ANKRD55: variants seen among roughly 807,000 people sequenced by gnomAD.
ANKRD55 encodes ankyrin repeat domain-containing protein 55.
In ANKRD55, 41 loss-of-function variants were observed where a neutral mutation model predicts 60.6. The ratio of observed to expected loss-of-function variants is 0.68; its 90% CI spans 0.53 to 0.88. The LOEUF (loss-of-function observed/expected upper bound fraction) is 0.88, where lower values mean the gene tolerates loss of function less well. ANKRD55 is among the 40% of genes least tolerant of loss of function. ANKRD55 has a pLI of 0.00. For missense variants in ANKRD55, 732 were observed against 767.6 expected (o/e 0.95, Z 0.55); for synonymous variants, 264 against 290.3 (o/e 0.91, Z 0.92).
intron 7 of ANKRD55, among the ~76,000 whole-genome samples, chr5:56,142,692 C>T (rs970397449): frequency 6.6e-6 from 1 of 152,172 alleles, no homozygotes; most frequent in Non-Finnish European, 1.5e-5. Context: ...CCTCTGTGGC[C>T]ACCGCTACAG....
chr5:56,130,899 C>T (rs958267182), intron 7 of ANKRD55, among the ~76,000 whole-genome samples: 9 of 151,964 alleles, frequency 5.9e-5, no homozygotes, highest in South Asian at 2.1e-4. Context: ...AGAGTCTCTG[C>T]GCTTGAGAAG....
rs1232627689 is a variant in ANKRD55 at position 56,120,839 on chromosome 5, C to T, written c.798-4057G>A. 6.2e-5 allele frequency among the ~76,000 whole-genome samples: 9 copies of T among 145,414 alleles called. No individual in the cohort carries two copies. In the East Asian group the frequency reaches 1.0e-3, roughly 17 times the overall value. On this transcript the variant is annotated intron_variant, in intron 8 of 11. Coordinates refer to ENST00000341048, the MANE Select transcript of ANKRD55 (RefSeq NM_024669.3). ...GCTTGAACCTGGGAGGCAGAGGTTG[C>T]AGTGAGCCAAGATCGCGCCACTGCT...
At chr5:56,134,867 A>G (rs1274304894) in intron 7 of ANKRD55, among the ~76,000 whole-genome samples, 1 of 152,208 alleles carries the variant, frequency 6.6e-6, no homozygotes, top group Non-Finnish European at 1.5e-5. Flanking sequence ...ATTAGTGAAT[A>G]GAATCTAGCA....
rs374295310 is a variant in ANKRD55 at position 56,222,580 on chromosome 5, C to T, written c.58+10276G>A. Among the ~76,000 whole-genome samples, 142 of 152,082 alleles carry T rather than the reference C, an allele frequency of 9.3e-4. 3 individuals carry two copies. The Middle Eastern group carries it at 0.027, about 29-fold the overall frequency. The stretch of plus-strand genomic sequence containing the variant: ...TGAGCTAAAGGAGGATGTTCGAACC[C>T]ATCACAAAGAAGCTAAAAACCTTGA... On this transcript the variant is annotated intron_variant, in intron 2 of 11. Transcript: ENST00000341048.
At chr5:56,143,994 A>G in intron 6 of ANKRD55, 65 bp from the exon 7 acceptor site, 1 of 1,572,746 alleles carries the variant, frequency 6.4e-7, no homozygotes, top group East Asian at 2.3e-5. Context: ...ACTGGAGCTC[A>G]CACTTTCTCC....
At chr5:56,120,797 G>A (rs1299170007) in intron 8 of ANKRD55, among the ~76,000 whole-genome samples, 3 of 151,880 alleles carry the variant, frequency 2.0e-5, no homozygotes, top group Non-Finnish European at 2.9e-5. Context: ...TACTCGGGAG[G>A]CTGAGGCAGG....
At chr5:56,226,280 T>C (rs576016574) in intron 2 of ANKRD55, among the ~76,000 whole-genome samples, 28 of 152,332 alleles carry the variant, frequency 1.8e-4, no homozygotes, top group Non-Finnish European at 3.4e-4. Context: ...GCTAGCCATA[T>C]GTAGAAAGCT....
chr5:56,135,538 T>G (rs1179078296), intron 7 of ANKRD55, among the ~76,000 whole-genome samples: 1 of 151,782 alleles, frequency 6.6e-6, no homozygotes, highest in Non-Finnish European at 1.5e-5. Context: ...CCCTGCTAGT[T>G]TTTGTATTTT....
Position 56,192,992 on chromosome 5 carries a change from A to G in ANKRD55, c.59-9358T>C, listed in dbSNP as rs559691237. 1.3e-5 allele frequency: 12 copies of G among 914,966 alleles called. No homozygotes were observed. In the East Asian group the frequency reaches 3.6e-4, roughly 28 times the overall value. 56.7% of individuals were successfully genotyped at this position (914,966 alleles called of 1,614,324 possible). A position where few individuals can be genotyped will look rare whatever the true frequency, so the allele number is the denominator to read the frequency against. ...AGATGAGCTATACTGGAAAACAATT[A>G]AACCTTTTCAGTATGTTCATGAACA... On this transcript the variant is annotated intron_variant, in intron 2 of 11. Coordinates refer to ENST00000341048, the MANE Select transcript of ANKRD55 (RefSeq NM_024669.3).
chr5:56,201,539 C>A (rs1314276934), intron 2 of ANKRD55, among the ~76,000 whole-genome samples: 1 of 152,222 alleles, frequency 6.6e-6, no homozygotes, highest in Non-Finnish European at 1.5e-5. Context: ...GATTCTGGCA[C>A]TGCCACTTAC....
At position 56,111,200 on chromosome 5, in the gene ANKRD55, C is replaced by T; in HGVS notation, c.1548G>A (p.Leu516=). The change falls in exon 10 of 12, where the codon CTG becomes CTA. Residue 516 remains leucine, a synonymous_variant. Transcript: ENST00000341048. Reference sequence around the variant, plus strand: ...CAGGCCGGACACTGAGCAATCTGTCCAGCAGCTTATCAGAAGAAGACACAG... The same window carrying T: ...CAGGCCGGACACTGAGCAATCTGTCTAGCAGCTTATCAGAAGAAGACACAG... ...VWTVSSSDKL[L]DRLLSVRPGH... 1.2e-6 allele frequency: 2 copies of T among 1,614,194 alleles called. No individual in the cohort carries two copies. Among genetic ancestry groups the T allele is most frequent in the South Asian group, 2.2e-5 (2 of 91,072 alleles).
At position 56,173,566 on chromosome 5, in the gene ANKRD55, CTCTCTCTCTCTCTCTCTATA is replaced by C. The variant is rs1254642749; in HGVS notation, c.312+2566_312+2585del. ...CCTCTCTCTCTCTCTCTCTCTCTCT[CTCTCTCTCTCTCTCTCTATA>C]TATATATATATATATATATATCTTG... On this transcript the variant is annotated intron_variant, in intron 4 of 11. Transcript: ENST00000341048. Among the ~76,000 whole-genome samples the C allele has an allele frequency of 2.5e-4, 28 of 113,972 alleles. No homozygotes were observed. In the East Asian group the frequency reaches 5.0e-3, roughly 20 times the overall value. 74.8% of individuals were successfully genotyped at this position (113,972 alleles called of 152,430 possible).
intron 5 of ANKRD55, chr5:56,162,133 C>T (rs1758348483): frequency 1.6e-6 from 1 of 620,590 alleles, no homozygotes; most frequent in South Asian, 7.1e-5. Flanking sequence ...GTGTGGTTAT[C>T]CTTGGTTACT....
At chr5:56,220,581 G>A (rs558985477) in intron 2 of ANKRD55, among the ~76,000 whole-genome samples, 7 of 152,202 alleles carry the variant, frequency 4.6e-5, no homozygotes, top group East Asian at 1.9e-4. Flanking sequence ...TTGGGAGGCC[G>A]AGGAAGGCAG....
chr5:56,120,566 T>C (rs1757012393), intron 8 of ANKRD55, among the ~76,000 whole-genome samples: 1 of 152,100 alleles, frequency 6.6e-6, no homozygotes, highest in Non-Finnish European at 1.5e-5. Flanking sequence ...TGAATGGAAA[T>C]GGCTCCCCCA....
At chr5:56,101,805 C>A (rs1756284440) in intron 11 of ANKRD55, among the ~76,000 whole-genome samples, 1 of 151,782 alleles carries the variant, frequency 6.6e-6, no homozygotes, top group Non-Finnish European at 1.5e-5. Flanking sequence ...CTTAGGAATG[C>A]ATGGACTGTG....
rs1254174642 is a variant in ANKRD55, at chr5:56,102,596, A to C, written c.1631-10T>G. ...TGCTGAAAATTTTGTCCTGAAGATA[A>C]ACATATTTGCATCAATTACTTGAGA... On this transcript the variant is annotated splice_polypyrimidine_tract_variant and intron_variant, in intron 10 of 11. Coordinates refer to ENST00000341048, the MANE Select transcript of ANKRD55 (RefSeq NM_024669.3). 6.2e-7 allele frequency: 1 copy of C among 1,601,696 alleles called. No individual in the cohort carries two copies. Among genetic ancestry groups the C allele is most frequent in the African/African-American group, 1.3e-5 (1 of 74,526 alleles).
At chr5:56,181,067 G>A (rs1758839482) in intron 3 of ANKRD55, among the ~76,000 whole-genome samples, 1 of 152,158 alleles carries the variant, frequency 6.6e-6, no homozygotes, top group Non-Finnish European at 1.5e-5. Flanking sequence ...GGGAGCAGTG[G>A]TGAGCACCTG....
intron 2 of ANKRD55, among the ~76,000 whole-genome samples, chr5:56,189,720 A>G (rs1296512514): frequency 2.0e-5 from 3 of 152,234 alleles, no homozygotes; most frequent in Non-Finnish European, 4.4e-5. Flanking sequence ...TTTATTCATT[A>G]CCTGTCAGTG....
Sources: allele counts gnomAD v4.1 joint callset (sites outside exome capture counted in the v4.1 genomes callset), GRCh38; gene constraint gnomAD v4.1.1; transcripts MANE v1.5; gene names NCBI Gene and HGNC (gene_info 2026-07-23, HGNC 2026-07-21).